The following ELOVL6 variants were observed in gnomAD, a reference collection of about 807,000 sequenced individuals.
The protein encoded by ELOVL6 is ELOVL fatty acid elongase 6.
A neutral mutation model predicts 31.7 loss-of-function variants in ELOVL6; 8 were observed. The ratio of observed to expected loss-of-function variants is 0.25; its 90% confidence interval spans 0.15 to 0.45. ELOVL6 has a LOEUF of 0.45. ELOVL6 is among the 20% of genes least tolerant of loss of function. ELOVL6 has a pLI of 1.00. For missense variants in ELOVL6, 126 were observed against 326.4 expected (o/e 0.39, Z 4.73); for synonymous variants, 101 against 117.7 (o/e 0.86, Z 0.92).
chr4:110,096,125 G>C (rs1410060905), intron 2 of ELOVL6, among the ~76,000 whole-genome samples: 1 of 151,788 alleles, frequency 6.6e-6, no homozygotes, highest in Non-Finnish European at 1.5e-5. Flanking sequence ...CTTTTTTATT[G>C]AGCCAACACA....
At position 110,105,944 on chromosome 4, in the gene ELOVL6, A is replaced by G. The variant is rs1227930829; in HGVS notation, c.90-316T>C. On this transcript the variant is annotated intron_variant, in intron 1 of 3. Transcript: ENST00000302274. ...AAGTAGTCTTTTCACTGAGAGAAAT[A>G]ATTTTATTCTTTAGAGTTTGTTGAG... Among the ~76,000 whole-genome samples the G allele has an allele frequency of 2.0e-5, 3 of 152,244 alleles. No homozygotes were observed. The East Asian group carries it at 5.8e-4, about 29-fold the overall frequency.
intron 1 of ELOVL6, among the ~76,000 whole-genome samples, chr4:110,167,423 T>C (rs1758809137): frequency 6.6e-6 from 1 of 152,010 alleles, no homozygotes; most frequent in Admixed American, 6.6e-5. Context: ...GTGGTATACA[T>C]TTTTTTTGTC....
intron 1 of ELOVL6, among the ~76,000 whole-genome samples, chr4:110,110,789 C>T (rs1236966946): frequency 6.6e-6 from 1 of 152,062 alleles, no homozygotes; most frequent in African/African-American, 2.4e-5. Flanking sequence ...GTAATTGATA[C>T]AAATGAAAAG....
chr4:110,101,776 G>A (rs944039798), intron 2 of ELOVL6, among the ~76,000 whole-genome samples: 2 of 152,040 alleles, frequency 1.3e-5, no homozygotes, highest in Non-Finnish European at 2.9e-5. Context: ...CCTGGCTCAG[G>A]TGACCCTCCC....
chr4:110,131,853 C>T (rs1024154731), intron 1 of ELOVL6, among the ~76,000 whole-genome samples: 3 of 152,146 alleles, frequency 2.0e-5, no homozygotes, highest in East Asian at 3.9e-4. Context: ...ATCTATAATG[C>T]ACTCTAAATA....
rs1560813639 is a variant in ELOVL6, at chr4:110,084,035, G to GATCATA, written c.221+21461_221+21462insTATGAT. 2.1e-3 allele frequency among the ~76,000 whole-genome samples: 16 copies of GATCATA among 7,460 alleles called. 1 individual carries two copies. Among genetic ancestry groups the GATCATA allele is most frequent in the East Asian group, 0.019 (4 of 216 alleles). 4.9% of individuals were successfully genotyped at this position (7,460 alleles called of 152,430 possible). ...TGGTATATAACATATGCCATATATG[G>GATCATA]TATATAACACATGCTATATATGATA... On this transcript the variant is annotated intron_variant, in intron 2 of 3. Transcript: ENST00000302274.
chr4:110,063,068 C>A lies in ELOVL6; in HGVS notation c.222-3314G>T, dbSNP rs183130051. 2.7e-3 allele frequency among the ~76,000 whole-genome samples: 411 copies of A among 152,264 alleles called. 3 individuals are homozygous for A. The highest frequency in any genetic ancestry group is 4.1e-3 in the Non-Finnish European group (280 of 68,028). On this transcript the variant is annotated intron_variant, in intron 2 of 3. Coordinates refer to ENST00000302274, the MANE Select transcript of ELOVL6 (RefSeq NM_024090.3). Reference sequence around the variant, plus strand: ...ATTATTGCTGATTTACTTCGGCTAACCCTCAATGTTGAAAATCACCTTCCT... The same window carrying A: ...ATTATTGCTGATTTACTTCGGCTAAACCTCAATGTTGAAAATCACCTTCCT...
intron 1 of ELOVL6, among the ~76,000 whole-genome samples, chr4:110,140,545 C>T (rs1046621703): frequency 2.6e-5 from 4 of 152,050 alleles, no homozygotes; most frequent in African/African-American, 9.7e-5. Flanking sequence ...AAGCGTCATG[C>T]CACCATGCTT....
At chr4:110,117,107 T>C (rs888120356) in intron 1 of ELOVL6, among the ~76,000 whole-genome samples, 1 of 152,166 alleles carries the variant, frequency 6.6e-6, no homozygotes, top group Non-Finnish European at 1.5e-5. Flanking sequence ...TATTTTGAAA[T>C]ATCTTAAGAC....
At chr4:110,172,648 AATACC>A (rs1166833529) in intron 1 of ELOVL6, among the ~76,000 whole-genome samples, 7 of 152,194 alleles carry the variant, frequency 4.6e-5, no homozygotes, top group Non-Finnish European at 1.5e-5. Flanking sequence ...TAGTTAAGTG[AATACC>A]CTTCTTCTTA....
At chr4:110,062,246 G>A (rs1420466801) in intron 2 of ELOVL6, among the ~76,000 whole-genome samples, 2 of 152,202 alleles carry the variant, frequency 1.3e-5, no homozygotes, top group African/African-American at 4.8e-5. Flanking sequence ...GACAGCAAGT[G>A]TATAGCACAT....
intron 2 of ELOVL6, among the ~76,000 whole-genome samples, chr4:110,087,611 T>G (rs72898560): frequency 0.01 from 1,574 of 152,260 alleles, 26 homozygotes; most frequent in African/African-American, 0.035. Context: ...CACTCCTCAT[T>G]CTGCAAAAAT....
intron 2 of ELOVL6, among the ~76,000 whole-genome samples, chr4:110,084,045 C>CATGCTATATATGATACATAACATATAT: frequency 4.0e-5 from 1 of 24,804 alleles, no homozygotes; most frequent in Non-Finnish European, 1.0e-4. Flanking sequence ...GTATATAACA[C>CATGCTATATATGATACATAACATATAT]ATGCTATATA....
rs1757291090 is a variant in ELOVL6, at chr4:110,119,772, GA to G, written c.90-14145del. 6.6e-5 allele frequency among the ~76,000 whole-genome samples: 10 copies of G among 152,114 alleles called. No individual in the cohort carries two copies. The South Asian group carries it at 2.1e-3, about 31-fold the overall frequency. On this transcript the variant is annotated intron_variant, in intron 1 of 3. Transcript: ENST00000302274. Reference sequence around the variant, plus strand: ...TGAAAAAAAATCTCAAGATCCCTCAGAAAACAAGAAAATTAAGTCCATAGCT... The same window carrying G: ...TGAAAAAAAATCTCAAGATCCCTCAGAAACAAGAAAATTAAGTCCATAGCT...
intron 2 of ELOVL6, among the ~76,000 whole-genome samples, chr4:110,086,505 T>C (rs888471544): frequency 1.3e-5 from 2 of 152,232 alleles, no homozygotes; most frequent in African/African-American, 4.8e-5. Flanking sequence ...TATTGCCACA[T>C]GAGAGTAGTG....
At chr4:110,089,053 A>G (rs1756346501) in intron 2 of ELOVL6, among the ~76,000 whole-genome samples, 1 of 151,130 alleles carries the variant, frequency 6.6e-6, no homozygotes. Context: ...TCCTCCAAAA[A>G]TCAGATCTAC....
At chr4:110,184,727 A>G (rs993521762) in intron 1 of ELOVL6, among the ~76,000 whole-genome samples, 4 of 152,226 alleles carry the variant, frequency 2.6e-5, no homozygotes, top group Non-Finnish European at 4.4e-5. Context: ...AATTACAGGT[A>G]GGAGAAAAGG....
intron 2 of ELOVL6, among the ~76,000 whole-genome samples, chr4:110,085,269 C>T (rs1756226355): frequency 6.6e-6 from 1 of 152,200 alleles, no homozygotes; most frequent in African/African-American, 2.4e-5. Flanking sequence ...GGCTGCTTTG[C>T]CTCTCATGGC....
At chr4:110,186,692 T>C (rs950653981) in intron 1 of ELOVL6, among the ~76,000 whole-genome samples, 6 of 150,224 alleles carry the variant, frequency 4.0e-5, no homozygotes, top group African/African-American at 1.5e-4. Context: ...TAAGTCCAGC[T>C]AGTCAGGAAG....
Sources: allele counts gnomAD v4.1 joint callset (sites outside exome capture counted in the v4.1 genomes callset), GRCh38; gene constraint gnomAD v4.1.1; transcripts MANE v1.5; gene names NCBI Gene and HGNC (gene_info 2026-07-23, HGNC 2026-07-21).